Variants in TRPM3 observed in about 807,000 individuals in gnomAD.
The protein encoded by TRPM3 is transient receptor potential cation channel subfamily M member 3.
TRPM3 carries 77 observed loss-of-function variants against 181.2 expected under a neutral mutation model. That is an observed-to-expected ratio of 0.42 (90% CI 0.35 to 0.51). The LOEUF is 0.51. Among genes scored for constraint, TRPM3 ranks in the 20% least tolerant of loss-of-function variants. TRPM3 has a pLI of 0.01. For missense variants in TRPM3, 1,759 were observed against 2,196.7 expected (o/e 0.80, Z 3.98); for synonymous variants, 745 against 796.4 (o/e 0.94, Z 1.09).
intron 1 of TRPM3, among the ~76,000 whole-genome samples, chr9:70,958,387 A>G (rs2097101416): frequency 1.3e-5 from 2 of 152,232 alleles, no homozygotes; most frequent in Admixed American, 1.3e-4. Context: ...ACTAGTTTAC[A>G]GTCCCACCAA....
chr9:70,862,790 A>G (rs2095555107), intron 3 of TRPM3, 118 bp downstream of exon 3: 1 of 994,094 alleles, frequency 1.0e-6, no homozygotes, highest in Non-Finnish European at 1.6e-6. Context: ...TCACCTCATC[A>G]GACAGTGGCA....
chr9:70,763,501 A>T (rs1396382410), intron 7 of TRPM3, among the ~76,000 whole-genome samples: 2 of 152,030 alleles, frequency 1.3e-5, no homozygotes, highest in Non-Finnish European at 2.9e-5. Flanking sequence ...GAACCTGTCT[A>T]AAAAAAATTT....
chr9:71,243,727 T>G (rs573250290), intron 1 of TRPM3, among the ~76,000 whole-genome samples: 6 of 152,268 alleles, frequency 3.9e-5, no homozygotes, highest in Admixed American at 3.9e-4. Context: ...TTAGCCTAAT[T>G]AACCTACACT....
chr9:71,156,154 G>T (rs1343932691), intron 1 of TRPM3, among the ~76,000 whole-genome samples: 3 of 152,034 alleles, frequency 2.0e-5, no homozygotes, highest in Non-Finnish European at 4.4e-5. Context: ...CTAATAGGTA[G>T]ACTTAGTTCA....
chr9:71,248,484 A>C (rs895821383), intron 1 of TRPM3, among the ~76,000 whole-genome samples: 1 of 152,200 alleles, frequency 6.6e-6, no homozygotes, highest in South Asian at 2.1e-4. Flanking sequence ...GACAGAAAGG[A>C]TATCTTTTAG....
chr9:71,196,909 T>G (rs552095946), intron 1 of TRPM3, among the ~76,000 whole-genome samples: 7 of 152,036 alleles, frequency 4.6e-5, no homozygotes, highest in Non-Finnish European at 8.8e-5. Context: ...AGGGTACATG[T>G]GCACAATGTG....
At chr9:70,920,990 T>A (rs373468378) in intron 1 of TRPM3, among the ~76,000 whole-genome samples, 24 of 152,318 alleles carry the variant, frequency 1.6e-4, no homozygotes, top group Middle Eastern at 3.4e-3. Context: ...GGTGTCTATA[T>A]ATCTTTTTTA....
intron 1 of TRPM3, among the ~76,000 whole-genome samples, chr9:71,206,176 T>C (rs1035522246): frequency 3.2e-4 from 49 of 152,140 alleles, no homozygotes; most frequent in African/African-American, 1.1e-3. Context: ...GCCACACTGT[T>C]TTCTACAATG....
chr9:70,596,861 C>T (rs1344647967), intron 21 of TRPM3, among the ~76,000 whole-genome samples: 1 of 152,150 alleles, frequency 6.6e-6, no homozygotes, highest in Non-Finnish European at 1.5e-5. Context: ...ACTCTGGGCT[C>T]AGGTGACCCT....
intron 1 of TRPM3, among the ~76,000 whole-genome samples, chr9:71,094,888 T>C (rs1195362552): frequency 1.3e-5 from 2 of 152,152 alleles, no homozygotes; most frequent in African/African-American, 4.8e-5. Context: ...GGCAATATAA[T>C]GTTGATCTTA....
At chr9:71,439,536 T>A (rs2094103005) in intron 1 of TRPM3, among the ~76,000 whole-genome samples, 1 of 152,208 alleles carries the variant, frequency 6.6e-6, no homozygotes, top group Admixed American at 6.5e-5. Context: ...AAATCAAGTC[T>A]GTCTAATTTG....
intron 19 of TRPM3, among the ~76,000 whole-genome samples, chr9:70,606,945 G>A (rs567990403): frequency 6.6e-6 from 1 of 152,194 alleles, no homozygotes; most frequent in South Asian, 2.1e-4. Context: ...GGAGAGCAGA[G>A]GGGCACATGG....
chr9:70,744,956 C>T (rs2074879231), intron 8 of TRPM3, among the ~76,000 whole-genome samples: 1 of 152,126 alleles, frequency 6.6e-6, no homozygotes, highest in South Asian at 2.1e-4. Context: ...GAACTTGTAA[C>T]TTATTGTCTT....
intron 5 of TRPM3, among the ~76,000 whole-genome samples, chr9:70,840,287 T>C (rs1300721066): frequency 6.6e-6 from 1 of 152,016 alleles, no homozygotes; most frequent in South Asian, 2.1e-4. Flanking sequence ...GGTAACAGAG[T>C]GGTCAAAATT....
chr9:70,805,893 T>C (rs968647968), intron 6 of TRPM3, among the ~76,000 whole-genome samples: 5 of 152,204 alleles, frequency 3.3e-5, no homozygotes, highest in African/African-American at 9.7e-5. Flanking sequence ...AATTCTAACA[T>C]GCACCAGAGT....
intron 1 of TRPM3, among the ~76,000 whole-genome samples, chr9:71,134,007 GTGTGTGT>G (rs2074575033): frequency 7.5e-6 from 1 of 133,028 alleles, no homozygotes; most frequent in Non-Finnish European, 1.6e-5. Context: ...GTGTGTGTGT[GTGTGTGT>G]GCGCGTGCGC....
chr9:71,066,489 T>C (rs750945863), intron 1 of TRPM3, among the ~76,000 whole-genome samples: 2 of 152,132 alleles, frequency 1.3e-5, no homozygotes, highest in African/African-American at 2.4e-5. Flanking sequence ...AAATAATGGA[T>C]TCTATAAATG....
chr9:71,328,465 C>T (rs796486656), intron 1 of TRPM3, among the ~76,000 whole-genome samples: 14 of 152,308 alleles, frequency 9.2e-5, no homozygotes, highest in African/African-American at 3.4e-4. Context: ...CGCACCCGGC[C>T]GACTTCTCTT....
intron 1 of TRPM3, among the ~76,000 whole-genome samples, chr9:71,338,382 C>T (rs1411786009): frequency 1.3e-5 from 2 of 152,110 alleles, no homozygotes; most frequent in Non-Finnish European, 2.9e-5. Context: ...GCAAAGCCTA[C>T]ATGATGTGTC....
Sources: allele counts gnomAD v4.1 joint callset (sites outside exome capture counted in the v4.1 genomes callset), GRCh38; gene constraint gnomAD v4.1.1; transcripts MANE v1.5; gene names NCBI Gene and HGNC (gene_info 2026-07-23, HGNC 2026-07-21).